Variants in ATG7 observed in about 807,000 individuals in gnomAD.
ATG7 encodes ubiquitin-like modifier-activating enzyme ATG7.
Under a neutral mutation model 82.4 loss-of-function variants are expected in ATG7, and 70 were observed. The observed-to-expected ratio is 0.85, with a 90% CI of 0.70 to 1.04. The LOEUF is 1.04. ATG7 is among the 50% of genes least tolerant of loss of function. The probability of loss-of-function intolerance (pLI) is 0.00; values close to 1 mark genes in which losing one functional copy is unlikely to be tolerated. For missense variants in ATG7, 792 were observed against 864.3 expected (o/e 0.92, Z 1.05); for synonymous variants, 287 against 313.0 (o/e 0.92, Z 0.88).
chr3:11,419,955 T>C (rs1267088850), intron 19 of ATG7, among the ~76,000 whole-genome samples: 1 of 152,196 alleles, frequency 6.6e-6, no homozygotes, highest in Non-Finnish European at 1.5e-5. Context: ...CTTCAGAATA[T>C]TTACAGCCTT....
intron 20 of ATG7, among the ~76,000 whole-genome samples, chr3:11,534,453 G>T (rs146181588): frequency 6.6e-6 from 1 of 152,238 alleles, no homozygotes; most frequent in Non-Finnish European, 1.5e-5. Flanking sequence ...GGCAGGTCCT[G>T]TGTTGCCCTG....
At chr3:11,488,959 A>T (rs1639381830) in intron 20 of ATG7, among the ~76,000 whole-genome samples, 1 of 152,086 alleles carries the variant, frequency 6.6e-6, no homozygotes, top group Admixed American at 6.5e-5. Context: ...TATTGATTGG[A>T]ATAGTTTCAG....
chr3:11,467,172 A>G (rs1021903579), intron 20 of ATG7, among the ~76,000 whole-genome samples: 1 of 152,010 alleles, frequency 6.6e-6, no homozygotes, highest in African/African-American at 2.4e-5. Context: ...TCTTAACCCT[A>G]TCACTTCTGC....
intron 3 of ATG7, among the ~76,000 whole-genome samples, chr3:11,294,472 T>C (rs1242983552): frequency 6.6e-6 from 1 of 152,054 alleles, no homozygotes; most frequent in Non-Finnish European, 1.5e-5. Context: ...GATCCCCCGC[T>C]TTGGCCTCCC....
intron 20 of ATG7, among the ~76,000 whole-genome samples, chr3:11,444,879 A>G (rs2084368177): frequency 6.6e-6 from 1 of 151,988 alleles, no homozygotes; most frequent in South Asian, 2.1e-4. Flanking sequence ...AAAAAACCCC[A>G]TTAAAAAGTG....
At chr3:11,315,209 T>A (rs1949227452) in intron 8 of ATG7, 135 bp from the exon 9 acceptor site, 1 of 755,044 alleles carries the variant, frequency 1.3e-6, no homozygotes, top group African/African-American at 1.8e-5. Flanking sequence ...GTTCACTTGC[T>A]GTAATAGAGT....
At chr3:11,372,482 T>G (rs1169859722) in intron 18 of ATG7, among the ~76,000 whole-genome samples, 1 of 150,768 alleles carries the variant, frequency 6.6e-6, no homozygotes, top group African/African-American at 2.5e-5. Context: ...ATAACTGATA[T>G]ATAGTAAAAT....
chr3:11,389,878 C>T (rs2078649965), intron 19 of ATG7, among the ~76,000 whole-genome samples: 1 of 152,204 alleles, frequency 6.6e-6, no homozygotes, highest in African/African-American at 2.4e-5. Context: ...CTCTATTGAC[C>T]TTCCAACTTG....
chr3:11,286,464 A>G (rs1363471788), intron 3 of ATG7, among the ~76,000 whole-genome samples: 1 of 149,614 alleles, frequency 6.7e-6, no homozygotes, highest in Non-Finnish European at 1.5e-5. Flanking sequence ...GTTTGTTCTC[A>G]TAGTCATAGA....
chr3:11,505,810 A>G (rs1175350306), intron 20 of ATG7, among the ~76,000 whole-genome samples: 1 of 152,220 alleles, frequency 6.6e-6, no homozygotes, highest in Non-Finnish European at 1.5e-5. Context: ...AGTGCTAGTC[A>G]GTGCTCGCCA....
chr3:11,459,186 A>AC (rs986318226), intron 20 of ATG7, among the ~76,000 whole-genome samples: 3 of 151,484 alleles, frequency 2.0e-5, no homozygotes, highest in Non-Finnish European at 4.4e-5. Context: ...AAAAAAAAAA[A>AC]AAACAGCAAA....
chr3:11,568,665 G>A, the ATG7 span: 23 of 1,558,136 alleles, frequency 1.5e-5, no homozygotes, highest in East Asian at 2.4e-5. This position sits in a 1 kb window ranked among gnomAD's most constrained non-coding sequence, Gnocchi z 5.9. Flanking sequence ...TCCAGGCCCC[G>A]CTCGCCCGGA....
intron 18 of ATG7, among the ~76,000 whole-genome samples, chr3:11,379,447 T>TTACATTTTA (rs2077702238): frequency 6.6e-6 from 1 of 152,228 alleles, no homozygotes; most frequent in African/African-American, 2.4e-5. Context: ...TGATGATGTT[T>TTACATTTTA]TACATTTTAT....
chr3:11,568,471 G>A, the ATG7 span: 1 of 1,271,732 alleles, frequency 7.9e-7, no homozygotes, highest in Non-Finnish European at 1.1e-6. This position sits in a 1 kb window ranked among gnomAD's most constrained non-coding sequence, Gnocchi z 5.9. Context: ...GGGACTTCCA[G>A]GCCCACTAAC....
chr3:11,404,597 C>T (rs1392156965), intron 19 of ATG7, among the ~76,000 whole-genome samples: 2 of 151,970 alleles, frequency 1.3e-5, no homozygotes, highest in Non-Finnish European at 2.9e-5. Context: ...ATGTACCTAG[C>T]CTTGTGCCTG....
intron 3 of ATG7, among the ~76,000 whole-genome samples, chr3:11,292,566 T>C (rs2152677804): frequency 6.6e-6 from 1 of 150,868 alleles, no homozygotes; most frequent in Admixed American, 6.6e-5. Context: ...AGCCTCCTTG[T>C]GTGAATTTCT....
chr3:11,290,574 C>T (rs938364485), intron 3 of ATG7: 2 of 357,232 alleles, frequency 5.6e-6, no homozygotes, highest in Admixed American at 6.4e-5. Flanking sequence ...TACTTCCAGC[C>T]AACCTCATGA....
chr3:11,553,071 AGGAGGTCCC>A (rs1363676274), intron 20 of ATG7, among the ~76,000 whole-genome samples: 1 of 152,112 alleles, frequency 6.6e-6, no homozygotes, highest in Non-Finnish European at 1.5e-5. Context: ...GAGGCTGGGC[AGGAGGTCCC>A]GGAGGACACG....
intron 19 of ATG7, among the ~76,000 whole-genome samples, chr3:11,415,511 A>AT (rs543994723): frequency 6.6e-6 from 1 of 152,140 alleles, no homozygotes; most frequent in Non-Finnish European, 1.5e-5. Flanking sequence ...ATACAAAAAC[A>AT]TTTTTTCTTT....
Sources: allele counts gnomAD v4.1 joint callset (sites outside exome capture counted in the v4.1 genomes callset), GRCh38; gene constraint gnomAD v4.1.1; non-coding constraint Gnocchi (gnomAD v3.1); transcripts MANE v1.5; gene names NCBI Gene and HGNC (gene_info 2026-07-23, HGNC 2026-07-21).